COL4A1: variants seen among roughly 807,000 people sequenced by gnomAD.
COL4A1 encodes the protein collagen type IV alpha 1 chain.
A neutral mutation model predicts 216.6 loss-of-function variants in COL4A1; 40 were observed. The ratio of observed to expected loss-of-function variants is 0.18; its 90% CI spans 0.14 to 0.24. The LOEUF is 0.24. Ranked by LOEUF, COL4A1 falls within the 10% of genes least tolerant of loss-of-function variation. COL4A1 has a pLI of 1.00. For synonymous variants in COL4A1, 839 were observed against 810.7 expected, an observed-to-expected ratio of 1.03 and a Z score of -0.59; for missense variants, 1,628 against 2,196.8, an observed-to-expected ratio of 0.74 and a Z score of 5.18.
In COL4A1 at chr13:110,150,343, A is replaced by G. The variant is rs1393714011; in HGVS notation, c.*20T>C. On this transcript the variant is annotated 3_prime_UTR_variant, in exon 52 of 52. Coordinates refer to ENST00000375820, the MANE Select transcript of COL4A1 (RefSeq NM_001845.6). ...AGAAGAAGTAGCACCATGTTGTGAC[A>G]TTAGCTGAGTCAGGCTTCATTATGT... The G allele has an allele frequency of 6.2e-6, 10 of 1,611,370 alleles. No individual in the cohort carries two copies. The highest frequency in any genetic ancestry group is 2.7e-5 in the African/African-American group (2 of 75,036).
At chr13:110,256,474 C>G (rs1882576309) in intron 1 of COL4A1, among the ~76,000 whole-genome samples, 1 of 152,184 alleles carries the variant, frequency 6.6e-6, no homozygotes. Context: ...CTCGAGGGAG[C>G]AGGTGAACTG....
At chr13:110,197,121 T>C (rs1487255094) in intron 21 of COL4A1, among the ~76,000 whole-genome samples, 2 of 152,146 alleles carry the variant, frequency 1.3e-5, no homozygotes, top group African/African-American at 4.8e-5. Context: ...TCCAAAAGAA[T>C]GTCCTTTTCC....
Position 110,177,839 on chromosome 13 carries a change from T to A in COL4A1, c.2716+3A>T. ...GAGCTTCTAGGGTTATCAGCTCCCC[T>A]ACCTTTTTCACCCGGTAATCCAGGA... is the stretch of plus-strand genomic sequence containing the variant. On this transcript the variant is annotated splice_donor_region_variant and intron_variant, in intron 33 of 51. Coordinates refer to ENST00000375820, the MANE Select transcript of COL4A1 (RefSeq NM_001845.6). 6.2e-7 allele frequency: 1 copy of A among 1,614,028 alleles called. No homozygotes were observed. Among genetic ancestry groups the A allele is most frequent in the Non-Finnish European group, 8.5e-7 (1 of 1,179,982 alleles).
At chr13:110,181,791 G>GGT in intron 28 of COL4A1, among the ~76,000 whole-genome samples, 1 of 152,222 alleles carries the variant, frequency 6.6e-6, no homozygotes, top group Non-Finnish European at 1.5e-5. Context: ...AGACCCCAGG[G>GGT]GTCTATAAGG....
At chr13:110,150,950 T>C (rs1050184559) in intron 51 of COL4A1, among the ~76,000 whole-genome samples, 3 of 152,214 alleles carry the variant, frequency 2.0e-5, no homozygotes, top group African/African-American at 4.8e-5. Flanking sequence ...CTCGAAATAC[T>C]TTTATAACTT....
In COL4A1 at chr13:110,172,762, C is replaced by T; in HGVS notation, c.3514G>A (p.Gly1172Arg). 1.2e-6 allele frequency: 2 copies of T among 1,614,016 alleles called. No homozygotes were observed. Among genetic ancestry groups the T allele is most frequent in the African/African-American group, 1.3e-5 (1 of 75,068 alleles). ...AGEKGEPGLP[G>R]RGFPGFPGAK... Reference sequence around the variant, plus strand: ...CCTGGAAACCCTGGGAATCCTCTTCCTGGTAGACCTATAAGATGAGGGTAA... The same window carrying T: ...CCTGGAAACCCTGGGAATCCTCTTCTTGGTAGACCTATAAGATGAGGGTAA... Residue 1172 changes from glycine to arginine, a missense_variant, in exon 41 of 52, where the codon GGA becomes AGA. Gly to Arg is a moderately radical substitution (Grantham distance 125, BLOSUM62 -2). This residue lies in a region of COL4A1 where 345 missense variants were observed against 476.9 expected (regional missense o/e 0.72). Transcript: ENST00000375820.
intron 1 of COL4A1, among the ~76,000 whole-genome samples, chr13:110,301,276 T>C (rs1464053642): frequency 6.6e-6 from 1 of 152,134 alleles, no homozygotes; most frequent in African/African-American, 2.4e-5. Flanking sequence ...AGCTAGAAAA[T>C]TGGAACCAAT....
chr13:110,306,485 C>T (rs1884713992), intron 1 of COL4A1, among the ~76,000 whole-genome samples: 1 of 152,264 alleles, frequency 6.6e-6, no homozygotes, highest in East Asian at 1.9e-4. Context: ...AGGAGAAATA[C>T]GCCCAAAGCT....
chr13:110,202,077 T>C (rs1238234409), intron 18 of COL4A1, among the ~76,000 whole-genome samples: 1 of 152,206 alleles, frequency 6.6e-6, no homozygotes, highest in Admixed American at 6.5e-5. Context: ...GCGGTTCTGC[T>C]TCCTTTTGTA....
chr13:110,199,703 G>A (rs1276120930), intron 20 of COL4A1, among the ~76,000 whole-genome samples: 3 of 152,156 alleles, frequency 2.0e-5, no homozygotes, highest in South Asian at 2.1e-4. Flanking sequence ...GCAGCGCAGC[G>A]ACTTTGGGAG....
chr13:110,195,177 C>T, intron 21 of COL4A1, 59 bp from the exon 22 acceptor site: 1 of 1,429,398 alleles, frequency 7.0e-7, no homozygotes, highest in Non-Finnish European at 9.9e-7. Flanking sequence ...CCTCTCCTAA[C>T]TCAACCTCTA....
At chr13:110,184,906 G>A (rs1878334987) in intron 26 of COL4A1, among the ~76,000 whole-genome samples, 1 of 152,072 alleles carries the variant, frequency 6.6e-6, no homozygotes, top group African/African-American at 2.4e-5. Context: ...CTGACCTCAG[G>A]TGATCTGCCC....
At chr13:110,297,488 C>T (rs554027108) in intron 1 of COL4A1, among the ~76,000 whole-genome samples, 3 of 152,114 alleles carry the variant, frequency 2.0e-5, no homozygotes, top group Non-Finnish European at 4.4e-5. Flanking sequence ...TGCCCAAAGT[C>T]AAACAGCTAG....
intron 2 of COL4A1, among the ~76,000 whole-genome samples, chr13:110,242,137 C>T (rs553199251): frequency 6.6e-6 from 1 of 152,230 alleles, no homozygotes; most frequent in South Asian, 2.1e-4. Flanking sequence ...TATCTGGAGC[C>T]CTGGTTCTTA....
intron 1 of COL4A1, among the ~76,000 whole-genome samples, chr13:110,281,791 C>G (rs1883643671): frequency 6.6e-6 from 1 of 152,218 alleles, no homozygotes; most frequent in Non-Finnish European, 1.5e-5. Context: ...ATCAATTCCC[C>G]TCTCACATTT....
intron 2 of COL4A1, among the ~76,000 whole-genome samples, chr13:110,218,685 C>T (rs552415415): frequency 6.6e-6 from 1 of 152,192 alleles, no homozygotes; most frequent in Admixed American, 6.5e-5. Flanking sequence ...GGACCCCCGT[C>T]GCCTTTGCAG....
At chr13:110,179,098 G>C in intron 30 of COL4A1, 62 bp from the exon 31 acceptor site, 1 of 1,555,446 alleles carries the variant, frequency 6.4e-7, no homozygotes, top group Non-Finnish European at 8.8e-7. Flanking sequence ...CGGCCTAGGA[G>C]ACCCATGCAC....
rs777841325 is a variant in COL4A1, at chr13:110,179,072, G to T, written c.2345-36C>A. On this transcript the variant is annotated intron_variant, in intron 30 of 51. Transcript: ENST00000375820. ...AAAATTGAGAGTAAGCTGTACAGGAGCAGTGGCACGTCTCCCGGCCTAGGA... is the reference window on the plus strand; with the variant it reads ...AAAATTGAGAGTAAGCTGTACAGGATCAGTGGCACGTCTCCCGGCCTAGGA... 17 of 1,585,418 alleles carry T rather than the reference G, an allele frequency of 1.1e-5. No homozygotes were observed. The Admixed American group carries it at 2.6e-4, about 24-fold the overall frequency.
chr13:110,152,293 A>C, intron 51 of COL4A1, 41 bp downstream of exon 51: 2 of 1,612,744 alleles, frequency 1.2e-6, no homozygotes, highest in South Asian at 1.1e-5. Flanking sequence ...TAAAGTCACA[A>C]AGGGGCCAGC....
Sources: gnomAD v4.1 joint callset for allele counts (sites outside exome capture counted in the v4.1 genomes callset) on GRCh38, gnomAD v4.1.1 for gene constraint, gnomAD v4.1.1 regional missense constraint, MANE v1.5 for transcripts, NCBI Gene and HGNC (gene_info 2026-07-23, HGNC 2026-07-21) for gene names.